Variants in NELL2 observed in about 807,000 individuals in gnomAD.
The protein encoded by NELL2 is protein kinase C-binding protein NELL2.
A neutral mutation model predicts 109.6 loss-of-function variants in NELL2; 41 were observed. The observed-to-expected ratio is 0.37, with a 90% confidence interval of 0.29 to 0.49. The LOEUF (loss-of-function observed/expected upper bound fraction) is 0.49, where lower values mean the gene tolerates loss of function less well. Ranked by LOEUF, NELL2 falls within the 20% of genes least tolerant of loss-of-function variation. NELL2 has a pLI of 0.98. For missense variants in NELL2, 900 were observed against 1,008.3 expected, an observed-to-expected ratio of 0.89 and a Z score of 1.45; for synonymous variants, 355 against 344.7, an observed-to-expected ratio of 1.03 and a Z score of -0.33.
intron 15 of NELL2, among the ~76,000 whole-genome samples, chr12:44,594,129 C>T (rs991298551): frequency 8.7e-5 from 13 of 148,586 alleles, no homozygotes; most frequent in South Asian, 4.3e-4. Context: ...CATCACACAC[C>T]GGGGCCTGTT....
At chr12:44,710,627 T>C (rs1310684689) in intron 11 of NELL2, among the ~76,000 whole-genome samples, 1 of 152,174 alleles carries the variant, frequency 6.6e-6, no homozygotes, top group African/African-American at 2.4e-5. Context: ...TCTTTAGTGA[T>C]GGAAATTCAC....
At chr12:44,847,054 T>A (rs1460782885) in intron 2 of NELL2, among the ~76,000 whole-genome samples, 1 of 152,184 alleles carries the variant, frequency 6.6e-6, no homozygotes, top group South Asian at 2.1e-4. Context: ...TACTATGCAA[T>A]GCCTGATACC....
At position 44,888,715 on chromosome 12, in the gene NELL2, G is replaced by A. The variant is rs973916507; in HGVS notation, c.39-12815C>T. Among the ~76,000 whole-genome samples, 9 of 151,726 alleles carry A rather than the reference G, an allele frequency of 5.9e-5. 2 individuals are homozygous for A. Among genetic ancestry groups the A allele is most frequent in the African/African-American group, 1.9e-4 (8 of 41,206 alleles). Reference sequence around the variant, plus strand: ...CAAATCATATTCTTATTCACGTGTCGACAATAGGAAGTATAAGAGATGACC... The same window carrying A: ...CAAATCATATTCTTATTCACGTGTCAACAATAGGAAGTATAAGAGATGACC... On this transcript the variant is annotated intron_variant, in intron 1 of 20. Coordinates refer to the NELL2 transcript ENST00000333837.
At chr12:44,578,251 CATA>C (rs1944184517) in intron 15 of NELL2, among the ~76,000 whole-genome samples, 1 of 151,508 alleles carries the variant, frequency 6.6e-6, no homozygotes, top group Admixed American at 6.6e-5. Flanking sequence ...ACATCTTAAA[CATA>C]ATAAGATCTT....
At chr12:44,568,526 C>T (rs1943745288) in intron 15 of NELL2, among the ~76,000 whole-genome samples, 1 of 151,906 alleles carries the variant, frequency 6.6e-6, no homozygotes, top group African/African-American at 2.4e-5. Flanking sequence ...CATATCATCA[C>T]TATAATGTTT....
At chr12:44,833,900 G>A (rs573950482) in intron 2 of NELL2, among the ~76,000 whole-genome samples, 30 of 152,268 alleles carry the variant, frequency 2.0e-4, no homozygotes, top group African/African-American at 6.7e-4. Context: ...CTATTGAAAC[G>A]AAAGTATCGG....
intron 13 of NELL2, among the ~76,000 whole-genome samples, chr12:44,647,592 G>A (rs912863467): frequency 2.0e-5 from 3 of 152,152 alleles, no homozygotes; most frequent in African/African-American, 7.2e-5. Flanking sequence ...ATGTCATTCT[G>A]TGACTAGGAA....
At chr12:44,719,835 C>T (rs780435596) in intron 9 of NELL2, among the ~76,000 whole-genome samples, 16 of 151,976 alleles carry the variant, frequency 1.1e-4, no homozygotes, top group Non-Finnish European at 1.6e-4. Context: ...CAAATCAAAG[C>T]TGTTGGATGA....
intron 3 of NELL2, among the ~76,000 whole-genome samples, chr12:44,807,030 A>G (rs999415535): frequency 4.6e-5 from 7 of 151,734 alleles, no homozygotes; most frequent in African/African-American, 7.3e-5. Flanking sequence ...TAAAAAAATT[A>G]TATTTTTACA....
chr12:44,856,405 ATAAG>A (rs1443844229), intron 2 of NELL2, among the ~76,000 whole-genome samples: 1 of 152,270 alleles, frequency 6.6e-6, no homozygotes, highest in Non-Finnish European at 1.5e-5. Flanking sequence ...ATGGTAAATA[ATAAG>A]TGTTAGGGAA....
At chr12:44,627,991 C>T (rs1161197845) in intron 13 of NELL2, among the ~76,000 whole-genome samples, 1 of 152,164 alleles carries the variant, frequency 6.6e-6, no homozygotes, top group Non-Finnish European at 1.5e-5. Context: ...TTCACATGTT[C>T]TAACATAGTT....
chr12:44,909,726 G>A (rs1945757764), intron 1 of NELL2, among the ~76,000 whole-genome samples: 1 of 146,758 alleles, frequency 6.8e-6, no homozygotes, highest in African/African-American at 2.6e-5. Flanking sequence ...CATGGTTTTG[G>A]TGACACACAG....
At chr12:44,746,931 C>T (rs1940397030) in intron 9 of NELL2, among the ~76,000 whole-genome samples, 1 of 152,178 alleles carries the variant, frequency 6.6e-6, no homozygotes, top group African/African-American at 2.4e-5. Flanking sequence ...CCATTTGACC[C>T]AACCATCCCA....
At chr12:44,634,742 C>G (rs1455641334) in intron 13 of NELL2, among the ~76,000 whole-genome samples, 1 of 152,200 alleles carries the variant, frequency 6.6e-6, no homozygotes, top group Admixed American at 6.5e-5. Flanking sequence ...CTTGAGGAAT[C>G]ACCACACTGT....
At chr12:44,542,147 G>A (rs1293098823) in intron 15 of NELL2, among the ~76,000 whole-genome samples, 1 of 152,092 alleles carries the variant, frequency 6.6e-6, no homozygotes, top group Non-Finnish European at 1.5e-5. Flanking sequence ...ATATAGCGCA[G>A]TAAAATAAAG....
Position 44,776,044 on chromosome 12 carries a change from C to T in NELL2, c.869G>A (p.Gly290Asp), listed in dbSNP as rs1390146069. ...TACCAGGCATGTGCAGTTCTTACAG[C>T]CGTCTATCCAGGACTCAAATTCTCG... ...TYREFESWID[G>D]CKNCTCLNGT... Residue 290 changes from glycine to aspartate, a missense_variant, in exon 8 of 20, where the codon GGC becomes GAC. Gly to Asp is a moderately conservative substitution (Grantham distance 94, BLOSUM62 -1). Transcript: ENST00000429094. 1.2e-6 allele frequency: 2 copies of T among 1,613,714 alleles called. No individual in the cohort carries two copies. Among genetic ancestry groups the T allele is most frequent in the East Asian group, 4.5e-5 (2 of 44,846 alleles).
At chr12:44,565,473 G>A (rs944549605) in intron 15 of NELL2, among the ~76,000 whole-genome samples, 1 of 152,120 alleles carries the variant, frequency 6.6e-6, no homozygotes, top group Non-Finnish European at 1.5e-5. Context: ...ACTCTTGTGT[G>A]ACAGGATTAT....
intron 1 of NELL2, among the ~76,000 whole-genome samples, chr12:44,895,765 G>C (rs1384754856): frequency 6.6e-6 from 1 of 151,890 alleles, no homozygotes; most frequent in African/African-American, 2.4e-5. Flanking sequence ...CACCACCCCA[G>C]GGCACATTCT....
At chr12:44,607,708 A>G (rs1033076177) in intron 14 of NELL2, among the ~76,000 whole-genome samples, 1 of 152,132 alleles carries the variant, frequency 6.6e-6, no homozygotes, top group Non-Finnish European at 1.5e-5. Context: ...CCAAAGTGCC[A>G]AAATAGTAGG....
Sources: gnomAD v4.1 joint callset for allele counts (sites outside exome capture counted in the v4.1 genomes callset) on GRCh38, gnomAD v4.1.1 for gene constraint, MANE v1.5 for transcripts, NCBI Gene and HGNC (gene_info 2026-07-23, HGNC 2026-07-21) for gene names.